The following FNIP2 variants were observed in gnomAD, a reference collection of about 807,000 sequenced individuals.
FNIP2 encodes folliculin-interacting protein 2.
Under a neutral mutation model 108.7 loss-of-function variants are expected in FNIP2, and 32 were observed. The ratio of observed to expected loss-of-function variants is 0.29; its 90% CI spans 0.22 to 0.40. FNIP2 has a LOEUF of 0.40. Among genes scored for constraint, FNIP2 ranks in the 10% least tolerant of loss-of-function variants. The pLI is 1.00. For synonymous variants in FNIP2, 480 were observed against 496.7 expected (o/e 0.97, Z 0.45); for missense variants, 1,202 against 1,381.6 (o/e 0.87, Z 2.06).
intron 16 of FNIP2, among the ~76,000 whole-genome samples, chr4:158,900,780 T>C (rs986257510): frequency 6.6e-6 from 1 of 152,226 alleles, no homozygotes; most frequent in African/African-American, 2.4e-5. Flanking sequence ...GTCTTGACTC[T>C]TTATCCAGTT....
At chr4:158,814,534 G>A (rs1238111997) in intron 1 of FNIP2, among the ~76,000 whole-genome samples, 1 of 152,164 alleles carries the variant, frequency 6.6e-6, no homozygotes, top group Non-Finnish European at 1.5e-5. Context: ...GGTGTCTCTA[G>A]GCTCTGCATG....
chr4:158,810,188 CACT>C (rs1777195740), intron 1 of FNIP2, among the ~76,000 whole-genome samples: 3 of 152,184 alleles, frequency 2.0e-5, no homozygotes, highest in Admixed American at 6.5e-5. Flanking sequence ...GAATGTTTCT[CACT>C]GCTGCTCCTG....
intron 1 of FNIP2, among the ~76,000 whole-genome samples, chr4:158,800,980 A>G (rs1022551284): frequency 1.3e-5 from 2 of 152,220 alleles, no homozygotes; most frequent in Admixed American, 1.3e-4. Flanking sequence ...GGAACTGCAC[A>G]TCTTCCTGAA....
chr4:158,899,671 G>T (rs553587047), intron 16 of FNIP2, among the ~76,000 whole-genome samples: 1 of 152,168 alleles, frequency 6.6e-6, no homozygotes, highest in African/African-American at 2.4e-5. Flanking sequence ...ATGTTAGTTT[G>T]TATTTCTGTG....
rs140036323 is a variant in FNIP2 at position 158,805,829 on chromosome 4, G to C, written c.108-20087G>C. Among the ~76,000 whole-genome samples, 1,316 of 152,304 alleles carry C rather than the reference G, an allele frequency of 8.6e-3. 12 individuals carry two copies. The highest frequency in any genetic ancestry group is 0.012 in the Non-Finnish European group (830 of 68,028). ...TTAATTGACTACTACATAATCTCCA[G>C]CTAGGGTGCACAGATGGAGTGAGTC... On this transcript the variant is annotated intron_variant, in intron 1 of 16. Transcript: ENST00000264433.
chr4:158,792,748 A>G (rs1030240846), intron 1 of FNIP2, among the ~76,000 whole-genome samples: 3 of 152,134 alleles, frequency 2.0e-5, no homozygotes, highest in Non-Finnish European at 4.4e-5. Flanking sequence ...ATAGAACATA[A>G]CTGCTTCACA....
At chr4:158,871,721 G>A (rs1416868692) in intron 14 of FNIP2, 1 of 985,232 alleles carries the variant, frequency 1.0e-6, no homozygotes, top group Admixed American at 6.2e-5. Flanking sequence ...ATGAAACTAT[G>A]AAGTTGCTTT....
chr4:158,806,146 C>A, intron 1 of FNIP2: 1 of 1,219,536 alleles, frequency 8.2e-7, no homozygotes, highest in Non-Finnish European at 1.0e-6. Context: ...AACTGCTGGT[C>A]ATTACAGAAT....
Position 158,906,419 on chromosome 4 carries a change from G to A in FNIP2, c.*1875G>A, listed in dbSNP as rs1040188820. 8 of 152,068 alleles carry A rather than the reference G, an allele frequency of 5.3e-5. No homozygotes were observed. Among genetic ancestry groups the A allele is most frequent in the African/African-American group, 1.7e-4 (7 of 41,378 alleles). The allele number at this position is 152,068 out of a possible 1,614,324, so 9.4% of individuals were successfully genotyped here. On this transcript the variant is annotated 3_prime_UTR_variant, in exon 17 of 17. Coordinates refer to ENST00000264433, the MANE Select transcript of FNIP2 (RefSeq NM_020840.3). ...TCCAGGGTTTCATAGAAAATAACTT[G>A]TTACAAAATCAGTTCAATTCTAATG...
In FNIP2 at chr4:158,776,876, T is replaced by C. The variant is rs1413524772; in HGVS notation, c.107+7557T>C. On this transcript the variant is annotated intron_variant, in intron 1 of 16. Transcript: ENST00000264433. ...TTCCAGAATCTGATCTCTTGAAATA[T>C]TTCTTGATGTTTCTAGCATGCGTTG... 2.0e-5 allele frequency among the ~76,000 whole-genome samples: 3 copies of C among 152,222 alleles called. No individual in the cohort carries two copies. The East Asian group carries it at 5.8e-4, about 29-fold the overall frequency.
chr4:158,901,889 AC>A (rs1329888739), intron 16 of FNIP2, among the ~76,000 whole-genome samples: 1 of 151,460 alleles, frequency 6.6e-6, no homozygotes, highest in Non-Finnish European at 1.5e-5. Context: ...AATTCACCTA[AC>A]CTTTTTTCAA....
At position 158,868,528 on chromosome 4, in the gene FNIP2, C is replaced by T. The variant is rs759933699; in HGVS notation, c.1892C>T (p.Ala631Val). 6.2e-7 allele frequency: 1 copy of T among 1,613,760 alleles called. No individual in the cohort carries two copies. Among genetic ancestry groups the T allele is most frequent in the Non-Finnish European group, 8.5e-7 (1 of 1,179,846 alleles). ...GAGCAGGGTTCTGAGGCTTGCAGCG[C>T]AGGGTGCCTGGGGCCAGCATCAGAC... ...RPEQGSEACSAGCLGPASDAS... is the reference protein window; with the variant it reads ...RPEQGSEACSVGCLGPASDAS... Residue 631 changes from alanine (A) to valine (V), a missense_variant, in exon 13 of 17, where the codon GCA becomes GTA. Around this residue, in one of 5 missense-constraint regions of FNIP2, gnomAD observed 878 missense variants for 990.3 expected, o/e 0.89. Coordinates refer to ENST00000264433, the MANE Select transcript of FNIP2 (RefSeq NM_020840.3). This position sits in a 1 kb window ranked among gnomAD's most constrained non-coding sequence, Gnocchi z 4.6.
chr4:158,850,968 C>T (rs561247285), intron 7 of FNIP2, among the ~76,000 whole-genome samples: 1 of 152,140 alleles, frequency 6.6e-6, no homozygotes, highest in East Asian at 1.9e-4. Flanking sequence ...AGGATGTTTT[C>T]TTTGCTGTTC....
intron 14 of FNIP2, among the ~76,000 whole-genome samples, chr4:158,884,007 C>T (rs1400353365): frequency 1.6e-5 from 2 of 127,996 alleles, no homozygotes; most frequent in East Asian, 2.3e-4. Context: ...GTACTGTGTT[C>T]CTGCCCCCCT....
chr4:158,861,729 A>G lies in FNIP2; in HGVS notation c.1418A>G (p.Asn473Ser). 1 of 1,614,010 alleles carries G rather than the reference A, an allele frequency of 6.2e-7. No individual in the cohort carries two copies. The highest frequency in any genetic ancestry group is 8.5e-7 in the Non-Finnish European group (1 of 1,179,888). The change falls in exon 12 of 17, where the codon AAC becomes AGC. Residue 473 changes from asparagine (N) to serine (S), a missense_variant. Transcript: ENST00000264433. ...GAGAAACGTACCTCCCAGTCAGTGA[A>G]CATGCTGGCCAAAACACATCCGTAT... The part of the protein sequence containing the change: ...FSEKRTSQSV[N>S]MLAKTHPYNP...
intron 1 of FNIP2, among the ~76,000 whole-genome samples, chr4:158,788,284 C>G (rs951730952): frequency 6.6e-6 from 1 of 152,206 alleles, no homozygotes; most frequent in Non-Finnish European, 1.5e-5. Flanking sequence ...ACTCTGTCCC[C>G]CTGGAGTATA....
At chr4:158,799,251 A>G (rs1776685285) in intron 1 of FNIP2, among the ~76,000 whole-genome samples, 2 of 152,252 alleles carry the variant, frequency 1.3e-5, no homozygotes, top group Admixed American at 6.5e-5. Flanking sequence ...AGAAAGTTCC[A>G]AAGCATTAAC....
chr4:158,776,281 G>A (rs1167105483), intron 1 of FNIP2, among the ~76,000 whole-genome samples: 1 of 152,170 alleles, frequency 6.6e-6, no homozygotes, highest in Non-Finnish European at 1.5e-5. Flanking sequence ...TGTTGTCATA[G>A]CAACTCTTTC....
chr4:158,820,063 T>C (rs1777797069), intron 1 of FNIP2, among the ~76,000 whole-genome samples: 1 of 152,246 alleles, frequency 6.6e-6, no homozygotes, highest in South Asian at 2.1e-4. Context: ...GGATAGTATT[T>C]TTGCCAGTTT....
Sources: gnomAD v4.1 joint callset for allele counts (sites outside exome capture counted in the v4.1 genomes callset) on GRCh38, gnomAD v4.1.1 for gene constraint, gnomAD v4.1.1 regional missense constraint, Gnocchi (gnomAD v3.1) non-coding constraint, MANE v1.5 for transcripts, NCBI Gene and HGNC (gene_info 2026-07-23, HGNC 2026-07-21) for gene names.